ZBTB44: variants seen among roughly 807,000 people sequenced by gnomAD.
ZBTB44 encodes zinc finger and BTB domain containing 44, also known as zinc finger and BTB domain-containing protein 44.
A neutral mutation model predicts 54.0 loss-of-function variants in ZBTB44; 15 were observed. That is an observed-to-expected ratio of 0.28 (90% CI 0.19 to 0.43). ZBTB44 has a LOEUF of 0.43. Ranked by LOEUF, ZBTB44 falls within the 20% of genes least tolerant of loss-of-function variation. The probability of loss-of-function intolerance (pLI) is 1.00; values close to 1 mark genes in which losing one functional copy is unlikely to be tolerated. For missense variants in ZBTB44, 487 were observed against 707.1 expected, an observed-to-expected ratio of 0.69 and a Z score of 3.53; for synonymous variants, 230 against 250.1, an observed-to-expected ratio of 0.92 and a Z score of 0.76.
At chr11:130,291,963 T>C (rs1941322566) in intron 1 of ZBTB44, among the ~76,000 whole-genome samples, 1 of 152,402 alleles carries the variant, frequency 6.6e-6, no homozygotes, top group South Asian at 2.1e-4. Context: ...GAATTATCAA[T>C]GTGCTTTACA....
intron 1 of ZBTB44, among the ~76,000 whole-genome samples, chr11:130,286,604 CT>C (rs1285463493): frequency 2.0e-5 from 3 of 152,206 alleles, no homozygotes; most frequent in Non-Finnish European, 4.4e-5. Flanking sequence ...GAATTATAGT[CT>C]TTTCATATTA....
At chr11:130,240,570 A>G (rs751978105) in intron 2 of ZBTB44, among the ~76,000 whole-genome samples, 4 of 152,174 alleles carry the variant, frequency 2.6e-5, no homozygotes, top group Non-Finnish European at 5.9e-5. Flanking sequence ...AACTTGTTGC[A>G]CAACTTTTAT....
intron 1 of ZBTB44, among the ~76,000 whole-genome samples, chr11:130,301,568 T>G (rs1169348567): frequency 6.6e-6 from 1 of 151,852 alleles, no homozygotes; most frequent in East Asian, 1.9e-4. Flanking sequence ...GGAGGCTGAG[T>G]TGGGAAGATG....
intron 1 of ZBTB44, among the ~76,000 whole-genome samples, chr11:130,278,733 T>C (rs1332851547): frequency 6.6e-6 from 1 of 152,206 alleles, no homozygotes; most frequent in Non-Finnish European, 1.5e-5. Context: ...AATTTTCGGT[T>C]AATTATTTTT....
At chr11:130,308,836 T>A (rs992530097) in intron 1 of ZBTB44, among the ~76,000 whole-genome samples, 1 of 152,192 alleles carries the variant, frequency 6.6e-6, no homozygotes, top group Admixed American at 6.5e-5. Context: ...CACTCCCTAA[T>A]GGAACTAGAT....
intron 5 of ZBTB44, 38 bp downstream of exon 5, chr11:130,236,755 A>C (rs1954126547): frequency 7.5e-7 from 1 of 1,326,148 alleles, no homozygotes; most frequent in South Asian, 2.2e-5. Flanking sequence ...GAGTTTAGAA[A>C]GCAGTTTTCC....
At position 130,314,603 on chromosome 11, in the gene ZBTB44, A is replaced by AG. The variant is rs78477429; in HGVS notation, c.-286dup. The AG allele has an allele frequency of 1, 151,690 of 151,696 alleles. 75,842 individuals carry two copies. Among genetic ancestry groups the AG allele is most frequent in the Middle Eastern group, 1 (292 of 292 alleles). The allele number at this position is 151,696 out of a possible 1,614,324, so 9.4% of individuals were successfully genotyped here. On this transcript the variant is annotated 5_prime_UTR_variant, in exon 1 of 8. Coordinates refer to ENST00000357899, the MANE Select transcript of ZBTB44 (RefSeq NM_001301098.2). ...CGGCACAGCCACCGGCGTGCCCGCG[A>AG]GTGGGAGTGCGAGGAGGCGGGGAGG...
intron 2 of ZBTB44, among the ~76,000 whole-genome samples, chr11:130,256,009 C>A (rs1242936301): frequency 1.3e-5 from 2 of 151,686 alleles, no homozygotes; most frequent in African/African-American, 2.4e-5. Flanking sequence ...AGATTCACAG[C>A]TGAATTCTAC....
rs983732412 is a variant in ZBTB44, at chr11:130,262,008, C to G, written c.-56-79G>C. On this transcript the variant is annotated intron_variant, in intron 1 of 7. Transcript: ENST00000357899. ...GATTTAGATCATTTTCATGTGGCCA[C>G]TGTACTAAATTAAAAAGCTGAAAGA... is the stretch of plus-strand genomic sequence containing the variant. 57 of 1,075,756 alleles carry G rather than the reference C, an allele frequency of 5.3e-5. 2 individuals are homozygous for G. The South Asian group carries it at 7.5e-4, about 14-fold the overall frequency. The allele number at this position is 1,075,756 out of a possible 1,614,324, so 66.6% of individuals were successfully genotyped here. A position where few individuals can be genotyped will look rare whatever the true frequency, so the allele number is the denominator to read the frequency against.
At chr11:130,244,018 G>A (rs919789724) in intron 2 of ZBTB44, among the ~76,000 whole-genome samples, 1 of 152,022 alleles carries the variant, frequency 6.6e-6, no homozygotes, top group African/African-American at 2.4e-5. Context: ...CCTGCTCTTT[G>A]AGTTGATCAA....
rs150041915 is a variant in ZBTB44 at position 130,249,772 on chromosome 11, G to A, written c.1019-9876C>T. On this transcript the variant is annotated intron_variant, in intron 2 of 7. Coordinates refer to ENST00000357899, the MANE Select transcript of ZBTB44 (RefSeq NM_001301098.2). ...ACAGTTTTTGCAATCCGCAGACCAG[G>A]AGATTCCCTCGTGTGCTACATCACT... is the stretch of plus-strand genomic sequence containing the variant. Among the ~76,000 whole-genome samples the A allele has an allele frequency of 7.5e-4, 115 of 152,322 alleles. 2 individuals carry two copies. The South Asian group carries it at 0.01, about 14-fold the overall frequency.
intron 2 of ZBTB44, among the ~76,000 whole-genome samples, chr11:130,240,306 C>T (rs1206293345): frequency 6.6e-6 from 1 of 151,980 alleles, no homozygotes; most frequent in Non-Finnish European, 1.5e-5. Flanking sequence ...TCCCAAAGTG[C>T]TGGGATTACA....
At chr11:130,301,082 G>A (rs1052244809) in intron 1 of ZBTB44, among the ~76,000 whole-genome samples, 12 of 152,076 alleles carry the variant, frequency 7.9e-5, no homozygotes, top group African/African-American at 1.2e-4. Flanking sequence ...TACAGGAAAC[G>A]GGTGATAACA....
intron 1 of ZBTB44, among the ~76,000 whole-genome samples, chr11:130,306,218 G>A (rs1592079082): frequency 6.6e-6 from 1 of 152,116 alleles, no homozygotes; most frequent in African/African-American, 2.4e-5. Flanking sequence ...AGAACTAAAA[G>A]TAGGCTGGGC....
At chr11:130,281,785 G>A (rs1308754973) in intron 1 of ZBTB44, among the ~76,000 whole-genome samples, 1 of 7,686 alleles carries the variant, frequency 1.3e-4, no homozygotes, top group Non-Finnish European at 4.0e-4. Context: ...TAGTAGAGAC[G>A]GGGTTTCGCC....
At chr11:130,299,753 G>T (rs1278239045) in intron 1 of ZBTB44, among the ~76,000 whole-genome samples, 1 of 152,044 alleles carries the variant, frequency 6.6e-6, no homozygotes, top group Non-Finnish European at 1.5e-5. Context: ...GTATAGAGGG[G>T]CTCCTCAAAA....
chr11:130,280,259 G>C (rs777464355), intron 1 of ZBTB44, among the ~76,000 whole-genome samples: 3 of 152,142 alleles, frequency 2.0e-5, no homozygotes, highest in Admixed American at 1.3e-4. Context: ...AGAAAAAAGA[G>C]AAAAACCATG....
intron 1 of ZBTB44, among the ~76,000 whole-genome samples, chr11:130,290,794 T>C (rs1405288377): frequency 1.3e-5 from 2 of 152,152 alleles, no homozygotes; most frequent in East Asian, 3.8e-4. Context: ...TTATCTCCCA[T>C]TACATTGATG....
chr11:130,267,707 TG>T (rs1939356860), intron 1 of ZBTB44, among the ~76,000 whole-genome samples: 4 of 152,138 alleles, frequency 2.6e-5, no homozygotes, highest in Admixed American at 2.0e-4. Context: ...CAATCAACTC[TG>T]ATTTTGAAAG....
Sources: gnomAD v4.1 joint callset for allele counts (sites outside exome capture counted in the v4.1 genomes callset) on GRCh38, gnomAD v4.1.1 for gene constraint, MANE v1.5 for transcripts, NCBI Gene and HGNC (gene_info 2026-07-23, HGNC 2026-07-21) for gene names.